The following NXPE2 variants were observed in gnomAD, a reference collection of about 807,000 sequenced individuals.
NXPE2 encodes neurexophilin and PC-esterase domain family member 2.
In NXPE2, 34 loss-of-function variants were observed where a neutral mutation model predicts 34.4. That is an observed-to-expected ratio of 0.99 (90% CI 0.75 to 1.31). NXPE2 has a LOEUF of 1.31. Ranked by LOEUF, NXPE2 falls within the 40% of genes most tolerant of loss-of-function variation. NXPE2 has a pLI of 0.00. For synonymous variants in NXPE2, 235 were observed against 231.3 expected, an observed-to-expected ratio of 1.02 and a Z score of -0.15; for missense variants, 649 against 672.5, an observed-to-expected ratio of 0.97 and a Z score of 0.39.
the NXPE2 span, among the ~76,000 whole-genome samples, chr11:114,655,324 T>A: frequency 6.6e-6 from 1 of 152,220 alleles, no homozygotes; most frequent in Non-Finnish European, 1.5e-5. Context: ...AACTCTTTAG[T>A]TTAATTAGAT....
chr11:114,638,167 T>C, the NXPE2 span, among the ~76,000 whole-genome samples: 1 of 151,950 alleles, frequency 6.6e-6, no homozygotes. Flanking sequence ...TCATTTCTTT[T>C]TATTCTTTTT....
chr11:114,660,444 G>GGCTTA, the NXPE2 span, among the ~76,000 whole-genome samples: 1 of 151,810 alleles, frequency 6.6e-6, no homozygotes, highest in African/African-American at 2.4e-5. Flanking sequence ...GGTAATAAAA[G>GGCTTA]CCTTGTTCAT....
chr11:114,599,161 A>G, the NXPE2 span, among the ~76,000 whole-genome samples: 1 of 152,112 alleles, frequency 6.6e-6, no homozygotes, highest in African/African-American at 2.4e-5. Flanking sequence ...CAGATACCTT[A>G]AATCATCACT....
At chr11:114,734,903 T>G in the NXPE2 span, among the ~76,000 whole-genome samples, 2 of 152,034 alleles carry the variant, frequency 1.3e-5, no homozygotes, top group Non-Finnish European at 2.9e-5. Context: ...GGTCAGGAGA[T>G]CAAAACCATC....
At chr11:114,783,810 C>T in the NXPE2 span, among the ~76,000 whole-genome samples, 3 of 152,154 alleles carry the variant, frequency 2.0e-5, no homozygotes, top group African/African-American at 7.2e-5. Flanking sequence ...AGATTCCTGA[C>T]TCCATTCAAG....
At chr11:114,474,744 A>G in the NXPE2 span, among the ~76,000 whole-genome samples, 1 of 152,190 alleles carries the variant, frequency 6.6e-6, no homozygotes, top group Non-Finnish European at 1.5e-5. Context: ...GATAGGTGAC[A>G]TATATTGAGT....
At chr11:114,739,514 G>C in the NXPE2 span, among the ~76,000 whole-genome samples, 456 of 151,564 alleles carry the variant, frequency 3.0e-3, 2 homozygotes, top group African/African-American at 0.01. Flanking sequence ...GGTATACAAT[G>C]TGATGTTTTA....
chr11:114,661,297 G>A, the NXPE2 span, among the ~76,000 whole-genome samples: 12 of 152,044 alleles, frequency 7.9e-5, no homozygotes, highest in African/African-American at 2.9e-4. Context: ...ATAATCAATC[G>A]GTTTTGTAAA....
the NXPE2 span, among the ~76,000 whole-genome samples, chr11:114,534,302 G>T: frequency 6.6e-6 from 1 of 152,120 alleles, no homozygotes; most frequent in African/African-American, 2.4e-5. Flanking sequence ...CATCATCAAA[G>T]ACCAAAGGTA....
the NXPE2 span, chr11:114,528,899 G>A: frequency 3.4e-6 from 2 of 583,054 alleles, no homozygotes; most frequent in Non-Finnish European, 6.4e-6. Flanking sequence ...TGGTTGATGG[G>A]TAGGAAGAGA....
the NXPE2 span, among the ~76,000 whole-genome samples, chr11:114,594,990 T>C: frequency 1.3e-5 from 2 of 152,122 alleles, no homozygotes. Flanking sequence ...AGATAATTCA[T>C]GGAGCCCACT....
the NXPE2 span, among the ~76,000 whole-genome samples, chr11:114,811,190 TGGGGGGA>T: frequency 3.7e-3 from 204 of 54,472 alleles, no homozygotes; most frequent in African/African-American, 0.013. Flanking sequence ...TGTTGTGGGG[TGGGGGGA>T]GGGGGGAGGG....
chr11:114,810,929 G>C, the NXPE2 span, among the ~76,000 whole-genome samples: 1 of 152,080 alleles, frequency 6.6e-6, no homozygotes, highest in Admixed American at 6.5e-5. Context: ...CAAAGACTTG[G>C]AACTGACCTA....
At chr11:114,618,758 A>C in the NXPE2 span, among the ~76,000 whole-genome samples, 4 of 152,192 alleles carry the variant, frequency 2.6e-5, no homozygotes, top group African/African-American at 9.6e-5. Flanking sequence ...GTGCGTAGCC[A>C]CTGTTATCTG....
the NXPE2 span, among the ~76,000 whole-genome samples, chr11:114,727,838 A>G: frequency 7.0e-6 from 1 of 142,236 alleles, no homozygotes; most frequent in South Asian, 2.3e-4. Flanking sequence ...CTTCTCTTCC[A>G]TTTGGAAGAT....
the NXPE2 span, among the ~76,000 whole-genome samples, chr11:114,663,010 C>G: frequency 6.6e-6 from 1 of 152,168 alleles, no homozygotes; most frequent in Non-Finnish European, 1.5e-5. Context: ...GTCCCTGATT[C>G]CAGCACTTGT....
At chr11:114,583,958 T>C in the NXPE2 span, 1 of 385,390 alleles carries the variant, frequency 2.6e-6, no homozygotes, top group Non-Finnish European at 5.1e-6. Context: ...TGATGATGAG[T>C]CCTATGAGGC....
chr11:114,709,249 A>G (rs1859565992), downstream of NXPE2, among the ~76,000 whole-genome samples: 1 of 152,256 alleles, frequency 6.6e-6, no homozygotes. Context: ...ATTCTTCTCT[A>G]GAAAGTATTT....
At chr11:114,721,551 G>A in the NXPE2 span, among the ~76,000 whole-genome samples, 1 of 152,144 alleles carries the variant, frequency 6.6e-6, no homozygotes, top group Non-Finnish European at 1.5e-5. Context: ...GGTGAATAAA[G>A]GCATGTGGAG....
Sources: gnomAD v4.1 joint callset for allele counts (sites outside exome capture counted in the v4.1 genomes callset) on GRCh38, gnomAD v4.1.1 for gene constraint, MANE v1.5 for transcripts, NCBI Gene and HGNC (gene_info 2026-07-23, HGNC 2026-07-21) for gene names.